Variants in MTHFD1L observed in about 807,000 individuals in gnomAD.
The protein encoded by MTHFD1L is monofunctional C1-tetrahydrofolate synthase, mitochondrial.
MTHFD1L carries 81 observed loss-of-function variants against 119.5 expected under a neutral mutation model. That is an observed-to-expected ratio of 0.68 (90% CI 0.57 to 0.82). The LOEUF is 0.82. Ranked by LOEUF, MTHFD1L falls within the 40% of genes least tolerant of loss-of-function variation. The probability of loss-of-function intolerance (pLI) is 0.00; values close to 1 mark genes in which losing one functional copy is unlikely to be tolerated. For missense variants in MTHFD1L, 1,125 were observed against 1,253.4 expected, an observed-to-expected ratio of 0.90 and a Z score of 1.55; for synonymous variants, 430 against 475.2, an observed-to-expected ratio of 0.90 and a Z score of 1.24.
intron 26 of MTHFD1L, among the ~76,000 whole-genome samples, chr6:151,082,634 TCTC>T (rs1793314988): frequency 6.6e-6 from 1 of 152,100 alleles, no homozygotes; most frequent in Non-Finnish European, 1.5e-5. Context: ...AATTTACAAC[TCTC>T]CTTTAATCCA....
intron 4 of MTHFD1L, among the ~76,000 whole-genome samples, chr6:150,881,150 A>G (rs1259248649): frequency 6.6e-6 from 1 of 152,168 alleles, no homozygotes; most frequent in Non-Finnish European, 1.5e-5. Context: ...TCCTATCCAA[A>G]AAAACCTTGT....
chr6:150,867,794 CTTTTTTT>C (rs35396368), intron 1 of MTHFD1L, among the ~76,000 whole-genome samples: 7 of 115,938 alleles, frequency 6.0e-5, no homozygotes, highest in African/African-American at 1.0e-4. Context: ...CATACATATT[CTTTTTTT>C]TTTTTTTTTT....
chr6:150,976,193 T>G (rs537285916), intron 20 of MTHFD1L, among the ~76,000 whole-genome samples: 2 of 152,140 alleles, frequency 1.3e-5, no homozygotes, highest in South Asian at 4.2e-4. Flanking sequence ...AGAGACAGAC[T>G]CTGTCTCAAA....
At position 151,039,798 on chromosome 6, in the gene MTHFD1L, C is replaced by G. The variant is rs549493839; in HGVS notation, c.2847+2681C>G. 2.0e-5 allele frequency among the ~76,000 whole-genome samples: 3 copies of G among 152,098 alleles called. No individual in the cohort carries two copies. The East Asian group carries it at 5.8e-4, about 29-fold the overall frequency. ...GGCGGGGTGGTGGGCACCTATAATC[C>G]CAGCTGCTCAGGAGGCTGAGGCAGG... On this transcript the variant is annotated intron_variant, in intron 26 of 27. Transcript: ENST00000367321. This position sits in a 1 kb window ranked among gnomAD's most constrained non-coding sequence, Gnocchi z 4.4.
At chr6:150,965,165 C>T in intron 19 of MTHFD1L, 128 bp downstream of exon 19, 2 of 754,478 alleles carry the variant, frequency 2.7e-6, no homozygotes, top group African/African-American at 1.7e-5. Flanking sequence ...CAATCTCAGG[C>T]AGAAAGAGTG....
chr6:150,980,320 G>T (rs926142989), intron 20 of MTHFD1L, among the ~76,000 whole-genome samples: 1 of 152,130 alleles, frequency 6.6e-6, no homozygotes, highest in Non-Finnish European at 1.5e-5. Context: ...TGTGTGGCTT[G>T]GTGCCGAAGC....
chr6:151,085,680 A>G (rs1025561823), intron 26 of MTHFD1L, among the ~76,000 whole-genome samples: 6 of 152,160 alleles, frequency 3.9e-5, no homozygotes, highest in African/African-American at 7.2e-5. Flanking sequence ...CTGAAGCAGG[A>G]GAATCACTTG....
At chr6:150,952,164 AT>A (rs1354605032) in intron 16 of MTHFD1L, among the ~76,000 whole-genome samples, 1 of 152,220 alleles carries the variant, frequency 6.6e-6, no homozygotes, top group African/African-American at 2.4e-5. Flanking sequence ...CCGGAAAAAA[AT>A]TTGAATTCCA....
intron 5 of MTHFD1L, among the ~76,000 whole-genome samples, chr6:150,884,764 T>C (rs1178882590): frequency 6.6e-6 from 1 of 152,194 alleles, no homozygotes; most frequent in Non-Finnish European, 1.5e-5. Context: ...TGTCCTAGAT[T>C]TGAACAGGGA....
At chr6:150,965,721 C>CA (rs1405314170) in intron 19 of MTHFD1L, among the ~76,000 whole-genome samples, 81 of 151,102 alleles carry the variant, frequency 5.4e-4, no homozygotes, top group African/African-American at 1.9e-3. Context: ...GCCATGTTTA[C>CA]AATTTATTTT....
At chr6:150,893,109 G>A (rs1783607590) in intron 7 of MTHFD1L, among the ~76,000 whole-genome samples, 2 of 152,168 alleles carry the variant, frequency 1.3e-5, no homozygotes, top group African/African-American at 4.8e-5. Context: ...CTGTTACCCA[G>A]GCTGGAGTGC....
intron 16 of MTHFD1L, among the ~76,000 whole-genome samples, chr6:150,952,284 T>C (rs1583759024): frequency 6.6e-6 from 1 of 152,204 alleles, no homozygotes; most frequent in East Asian, 1.9e-4. Flanking sequence ...CTTATGACCA[T>C]GAATTAATAA....
At chr6:150,910,146 A>C (rs112039550) in intron 8 of MTHFD1L, among the ~76,000 whole-genome samples, 20,306 of 151,366 alleles carry the variant, frequency 0.13, 1,506 homozygotes, top group Admixed American at 0.24. Flanking sequence ...ACGCCATTGC[A>C]CTCCAGCCTG....
At chr6:150,928,844 T>G (rs183741821) in intron 11 of MTHFD1L, among the ~76,000 whole-genome samples, 239 of 152,134 alleles carry the variant, frequency 1.6e-3, no homozygotes, top group Non-Finnish European at 1.9e-3. Context: ...ATGCCCAGCT[T>G]CTGTAGCTTT....
At chr6:151,024,550 C>A (rs1221055299) in intron 24 of MTHFD1L, among the ~76,000 whole-genome samples, 1 of 151,954 alleles carries the variant, frequency 6.6e-6, no homozygotes, top group Non-Finnish European at 1.5e-5. Flanking sequence ...AAAAAAAGGC[C>A]AGGCACGATG....
At chr6:151,050,427 G>A (rs547435013) in intron 26 of MTHFD1L, among the ~76,000 whole-genome samples, 4 of 152,330 alleles carry the variant, frequency 2.6e-5, no homozygotes, top group African/African-American at 9.6e-5. Context: ...CTCCCAAAGT[G>A]CTGGGATTAC....
chr6:151,095,662 C>T (rs1181787449), intron 27 of MTHFD1L, among the ~76,000 whole-genome samples: 3 of 152,242 alleles, frequency 2.0e-5, no homozygotes, highest in Non-Finnish European at 4.4e-5. Context: ...ATGGTAATTA[C>T]TTCCAATGTA....
chr6:151,045,962 G>A (rs1432585079), intron 26 of MTHFD1L, among the ~76,000 whole-genome samples: 1 of 152,188 alleles, frequency 6.6e-6, no homozygotes, highest in Non-Finnish European at 1.5e-5. Flanking sequence ...AAAGTAACCA[G>A]CGTCGTTCTC....
At chr6:151,093,960 T>C (rs1794679012) in intron 27 of MTHFD1L, among the ~76,000 whole-genome samples, 2 of 152,158 alleles carry the variant, frequency 1.3e-5, no homozygotes, top group Non-Finnish European at 2.9e-5. Context: ...GTCTTATTCA[T>C]GTCCACGCCA....
Sources: gnomAD v4.1 joint callset for allele counts (sites outside exome capture counted in the v4.1 genomes callset) on GRCh38, gnomAD v4.1.1 for gene constraint, Gnocchi (gnomAD v3.1) non-coding constraint, MANE v1.5 for transcripts, NCBI Gene and HGNC (gene_info 2026-07-23, HGNC 2026-07-21) for gene names.